The following AGBL4 variants were observed in gnomAD, a reference collection of about 807,000 sequenced individuals.
AGBL4 encodes cytosolic carboxypeptidase 6.
Under a neutral mutation model 66.4 loss-of-function variants are expected in AGBL4, and 58 were observed. The observed-to-expected ratio is 0.87, with a 90% CI of 0.71 to 1.09. The LOEUF is 1.09. AGBL4 is among the 50% of genes least tolerant of loss of function. AGBL4 has a pLI of 0.00. For missense variants in AGBL4, 579 were observed against 631.0 expected (o/e 0.92, Z 0.88); for synonymous variants, 234 against 222.9 (o/e 1.05, Z -0.44).
At chr1:49,384,947 A>T (rs977015465) in intron 3 of AGBL4, among the ~76,000 whole-genome samples, 2 of 152,242 alleles carry the variant, frequency 1.3e-5, no homozygotes, top group African/African-American at 2.4e-5. Flanking sequence ...CAACATGCAC[A>T]AGCAAACTAA....
chr1:48,546,322 T>G (rs1028761440), intron 11 of AGBL4, among the ~76,000 whole-genome samples: 4 of 152,250 alleles, frequency 2.6e-5, no homozygotes, highest in Non-Finnish European at 5.9e-5. Flanking sequence ...TTTCCTTTCT[T>G]GAGTGTAATC....
chr1:49,863,085 A>T (rs1646614262), intron 1 of AGBL4, among the ~76,000 whole-genome samples: 1 of 152,176 alleles, frequency 6.6e-6, no homozygotes, highest in South Asian at 2.1e-4. Flanking sequence ...GTACTGACAT[A>T]AAAACAGACA....
intron 3 of AGBL4, among the ~76,000 whole-genome samples, chr1:49,362,949 G>A (rs972019707): frequency 6.6e-6 from 1 of 152,164 alleles, no homozygotes; most frequent in African/African-American, 2.4e-5. Context: ...TGAATTTGAG[G>A]TGTCTGGGAC....
chr1:49,534,497 A>G (rs540634597), intron 3 of AGBL4, among the ~76,000 whole-genome samples: 10 of 152,354 alleles, frequency 6.6e-5, no homozygotes, highest in African/African-American at 2.4e-4. Flanking sequence ...TCTGAGAGAC[A>G]TTAAGTCTTC....
intron 1 of AGBL4, among the ~76,000 whole-genome samples, chr1:49,888,479 C>G (rs1426990224): frequency 1.3e-5 from 2 of 151,982 alleles, no homozygotes; most frequent in East Asian, 3.9e-4. Context: ...CTGAAAAAAC[C>G]TTAGTGACAA....
At chr1:49,396,277 A>T (rs1212952956) in intron 3 of AGBL4, among the ~76,000 whole-genome samples, 2 of 151,210 alleles carry the variant, frequency 1.3e-5, no homozygotes, top group African/African-American at 4.9e-5. Context: ...ATACGCAAAC[A>T]TCCCTGTAAC....
At chr1:49,220,691 C>A (rs889275453) in intron 4 of AGBL4, among the ~76,000 whole-genome samples, 5 of 152,066 alleles carry the variant, frequency 3.3e-5, no homozygotes, top group African/African-American at 1.2e-4. Flanking sequence ...CTTTACTCTG[C>A]AGTTCTCAGA....
intron 3 of AGBL4, among the ~76,000 whole-genome samples, chr1:49,640,391 C>A (rs1645757333): frequency 6.6e-6 from 1 of 152,102 alleles, no homozygotes; most frequent in South Asian, 2.1e-4. Context: ...ACAGCTAAAT[C>A]TCTTTAAGGT....
chr1:49,545,759 C>T (rs1256520634), intron 3 of AGBL4, among the ~76,000 whole-genome samples: 1 of 152,176 alleles, frequency 6.6e-6, no homozygotes, highest in African/African-American at 2.4e-5. Flanking sequence ...TAAAGTTATA[C>T]AACTATGTCT....
At chr1:49,932,086 T>A (rs1412808824) in intron 1 of AGBL4, among the ~76,000 whole-genome samples, 1 of 152,044 alleles carries the variant, frequency 6.6e-6, no homozygotes, top group African/African-American at 2.4e-5. Flanking sequence ...AAATCCAAAA[T>A]CTAAAACATT....
intron 3 of AGBL4, among the ~76,000 whole-genome samples, chr1:49,497,649 C>T (rs1181633653): frequency 1.3e-5 from 2 of 151,978 alleles, no homozygotes; most frequent in African/African-American, 4.8e-5. Context: ...CTGTCCTTTA[C>T]TCACTGTGTG....
At chr1:49,979,961 A>T (rs1371138664) in intron 1 of AGBL4, among the ~76,000 whole-genome samples, 1 of 152,220 alleles carries the variant, frequency 6.6e-6, no homozygotes, top group Admixed American at 6.5e-5. Context: ...AATTTGGGGT[A>T]TTGATAAATA....
chr1:49,383,185 A>G lies in AGBL4; in HGVS notation c.283-137321T>C, dbSNP rs577697924. 5.9e-5 allele frequency among the ~76,000 whole-genome samples: 9 copies of G among 152,304 alleles called. No homozygotes were observed. In the South Asian group the frequency reaches 1.9e-3, roughly 32 times the overall value. ...CCATGTTCATGGATTGGAAAACTTA[A>G]TATTACTAAAATGTCTGTACTACTC... is the stretch of plus-strand genomic sequence containing the variant. On this transcript the variant is annotated intron_variant, in intron 3 of 13. Coordinates refer to ENST00000371839, the MANE Select transcript of AGBL4 (RefSeq NM_032785.4).
Position 48,722,458 on chromosome 1 carries a change from AC to A in AGBL4, c.635-59218del, listed in dbSNP as rs542550419. Among the ~76,000 whole-genome samples the A allele has an allele frequency of 5.9e-5, 9 of 151,996 alleles. No homozygotes were observed. The East Asian group carries it at 1.2e-3, about 20-fold the overall frequency. On this transcript the variant is annotated intron_variant, in intron 6 of 13. Transcript: ENST00000371839. ...GGCACAGTGGCAGGTCAGTATGACTACCCAACAACTGCATAATGAGTAGGGG... is the reference window on the plus strand; with the variant it reads ...GGCACAGTGGCAGGTCAGTATGACTACCAACAACTGCATAATGAGTAGGGG...
chr1:48,705,318 T>G (rs1316126931), intron 6 of AGBL4, among the ~76,000 whole-genome samples: 1 of 152,104 alleles, frequency 6.6e-6, no homozygotes, highest in African/African-American at 2.4e-5. Context: ...AGATATGAAA[T>G]GATGGTAAAC....
chr1:48,808,018 A>G (rs1645966760), intron 6 of AGBL4, among the ~76,000 whole-genome samples: 1 of 152,132 alleles, frequency 6.6e-6, no homozygotes, highest in South Asian at 2.1e-4. Flanking sequence ...TCATTAATAT[A>G]TTCGTTTAGG....
chr1:48,873,564 C>T (rs1648905209), intron 5 of AGBL4, among the ~76,000 whole-genome samples: 1 of 152,088 alleles, frequency 6.6e-6, no homozygotes, highest in Non-Finnish European at 1.5e-5. Flanking sequence ...CTTTATTTCT[C>T]TCCTCTCAGG....
chr1:49,390,920 G>A (rs1644831717), intron 3 of AGBL4, among the ~76,000 whole-genome samples: 1 of 152,164 alleles, frequency 6.6e-6, no homozygotes, highest in African/African-American at 2.4e-5. Context: ...AGAGAGGCAT[G>A]GGGTACAATG....
At chr1:49,360,724 AACATAGGTATT>A (rs1644118667) in intron 3 of AGBL4, among the ~76,000 whole-genome samples, 1 of 152,228 alleles carries the variant, frequency 6.6e-6, no homozygotes, top group South Asian at 2.1e-4. Context: ...ATGCAATATG[AACATAGGTATT>A]ATTTTTAAAA....
Sources: allele counts gnomAD v4.1 joint callset (sites outside exome capture counted in the v4.1 genomes callset), GRCh38; gene constraint gnomAD v4.1.1; transcripts MANE v1.5; gene names NCBI Gene and HGNC (gene_info 2026-07-23, HGNC 2026-07-21).